The following TNXB variants were observed in gnomAD, a reference collection of about 807,000 sequenced individuals.
TNXB encodes the protein tenascin XB, also known as tenascin-X.
In TNXB, 183 loss-of-function variants were observed where a neutral mutation model predicts 340.5. The ratio of observed to expected loss-of-function variants is 0.54; its 90% CI spans 0.48 to 0.61. The LOEUF (loss-of-function observed/expected upper bound fraction) is 0.61, where lower values mean the gene tolerates loss of function less well. Ranked by LOEUF, TNXB falls within the 20% of genes least tolerant of loss-of-function variation. The probability of loss-of-function intolerance (pLI) is 0.00; values close to 1 mark genes in which losing one functional copy is unlikely to be tolerated. For missense variants in TNXB, 4,613 were observed against 5,446.4 expected (o/e 0.85, Z 4.82); for synonymous variants, 2,121 against 2,314.5 (o/e 0.92, Z 2.40).
At position 32,082,020 on chromosome 6, in the gene TNXB, G is replaced by A; in HGVS notation, c.3736+16C>T. On this transcript the variant is annotated intron_variant, in intron 9 of 43. Coordinates refer to ENST00000644971, the MANE Select transcript of TNXB (RefSeq NM_001365276.2). This position sits in a 1 kb window ranked among gnomAD's most constrained non-coding sequence, Gnocchi z 5.0. The stretch of plus-strand genomic sequence containing the variant: ...TGAGAAGGGGTCACATGGGGGCTGA[G>A]GTGGCTGCTACTCACCAGTGGTGCC... The A allele has an allele frequency of 6.3e-7, 1 of 1,593,546 alleles. No individual in the cohort carries two copies. Among genetic ancestry groups the A allele is most frequent in the Non-Finnish European group, 8.5e-7 (1 of 1,169,986 alleles).
Position 32,056,721 on chromosome 6 carries a change from T to G in TNXB, c.8008A>C (p.Lys2670Gln), listed in dbSNP as rs1423222730. ...TCGTGCCCCGGCACCCGCACCGCCTTGGGCTGCCCATCCCCATTCCTGTAC... is the reference window on the plus strand; with the variant it reads ...TCGTGCCCCGGCACCCGCACCGCCTGGGGCTGCCCATCCCCATTCCTGTAC... ...VQYRNGDGQPKAVRVPGHEDG... is the reference protein window; with the variant it reads ...VQYRNGDGQPQAVRVPGHEDG... The change falls in exon 23 of 44, where the codon AAG becomes CAG. Residue 2670 changes from lysine to glutamine, a missense_variant. This residue lies in a region of TNXB where 4,327 missense variants were observed against 4,859.4 expected (regional missense o/e 0.89). Coordinates refer to ENST00000644971, the MANE Select transcript of TNXB (RefSeq NM_001365276.2). The G allele has an allele frequency of 3.1e-6, 5 of 1,613,102 alleles. No homozygotes were observed. The African/African-American group carries it at 4.0e-5, about 13-fold the overall frequency.
chr6:32,062,435 G>A lies in TNXB; in HGVS notation c.6890C>T (p.Thr2297Ile). ...GCGAGGCTTGATGGGGGGTTCAGGG[G>A]TGGGAGGTTCTGTCGAGGCTGGGGC... ...EMAPASTEPP[T>I]PEPPIKPRLE... Residue 2297 changes from threonine to isoleucine, a missense_variant, in exon 20 of 44, where the codon ACC becomes ATC. Physicochemically the swap from Thr to Ile is moderately conservative, Grantham distance 89 (BLOSUM62 -1). Transcript: ENST00000644971. The surrounding 1 kb of genome is among the most constrained non-coding windows in gnomAD (Gnocchi z 4.3). 1 of 1,612,154 alleles carries A rather than the reference G, an allele frequency of 6.2e-7. No individual in the cohort carries two copies. The highest frequency in any genetic ancestry group is 8.5e-7 in the Non-Finnish European group (1 of 1,179,188).
Position 32,067,698 on chromosome 6 carries a change from C to T in TNXB, c.6507G>A (p.Gly2169=), listed in dbSNP as rs372295491. 1.4e-5 allele frequency: 23 copies of T among 1,613,666 alleles called. No individual in the cohort carries two copies. Among genetic ancestry groups the T allele is most frequent in the Non-Finnish European group, 1.8e-5 (21 of 1,179,822 alleles). ...YKMHLYGLHE[G]RRVGPVSAVG... is the part of the protein sequence containing the mutation. ...CAGCAGACACTGGGCCCACGCGCCG[C>T]CCCTCGTGGAGGCCGTACAGGTGCA... The change falls in exon 18 of 44, where the codon GGG becomes GGA. Residue 2169 remains glycine, a synonymous_variant. Transcript: ENST00000644971. The surrounding 1 kb of genome is among the most constrained non-coding windows in gnomAD (Gnocchi z 4.2).
chr6:32,095,958 T>G lies in TNXB; in HGVS notation c.1895A>C (p.Glu632Ala). The G allele has an allele frequency of 6.2e-7, 1 of 1,613,008 alleles. No individual in the cohort carries two copies. Among genetic ancestry groups the G allele is most frequent in the Non-Finnish European group, 8.5e-7 (1 of 1,179,732 alleles). Reference protein sequence around the residue: ...PSNCHGRGRCEEGRCLCDPGY... With the variant: ...PSNCHGRGRCAEGRCLCDPGY... Reference sequence around the variant, plus strand: ...TGGGTCGCACAGGCAGCGCCCTTCCTCACAGCGGCCCCTCCCGTGGCAGTT... The same window carrying G: ...TGGGTCGCACAGGCAGCGCCCTTCCGCACAGCGGCCCCTCCCGTGGCAGTT... Residue 632 changes from glutamate (E) to alanine (A), a missense_variant, in exon 3 of 44, where the codon GAG becomes GCG. Coordinates refer to ENST00000644971, the MANE Select transcript of TNXB (RefSeq NM_001365276.2).
Position 32,046,074 on chromosome 6 carries a change from A to G in TNXB, c.10606+101T>C. ...TCCTGGGGACAGGCCAGGGCGCCCCACTCCGGCCTGCCCACTCCTGCAGTC... is the reference window on the plus strand; with the variant it reads ...TCCTGGGGACAGGCCAGGGCGCCCCGCTCCGGCCTGCCCACTCCTGCAGTC... On this transcript the variant is annotated intron_variant, in intron 31 of 43. Transcript: ENST00000644971. The surrounding 1 kb of genome is among the most constrained non-coding windows in gnomAD (Gnocchi z 6.9). 1 of 1,495,742 alleles carries G rather than the reference A, an allele frequency of 6.7e-7. No individual in the cohort carries two copies. The highest frequency in any genetic ancestry group is 1.4e-5 in the South Asian group (1 of 73,654). 92.7% of individuals were successfully genotyped at this position (1,495,742 alleles called of 1,614,324 possible).
chr6:32,066,937 G>A (rs1778371523), intron 18 of TNXB, among the ~76,000 whole-genome samples: 1 of 152,064 alleles, frequency 6.6e-6, no homozygotes, highest in African/African-American at 2.4e-5. Flanking sequence ...TGGGCATGGT[G>A]GAGTGCACTT....
Position 32,097,196 on chromosome 6 carries a change from G to A in TNXB, c.657C>T (p.Pro219=), listed in dbSNP as rs375940110. The A allele has an allele frequency of 2.7e-4, 432 of 1,595,688 alleles. No homozygotes were observed. The African/African-American group carries it at 4.8e-3, about 18-fold the overall frequency. The change falls in exon 3 of 44, where the codon CCC becomes CCT. Residue 219 remains proline (P), a synonymous_variant. Transcript: ENST00000644971. The surrounding 1 kb of genome is among the most constrained non-coding windows in gnomAD (Gnocchi z 5.9). ...TGPSCGWPSC[P]GDCQGRGRCV... The stretch of plus-strand genomic sequence containing the variant: ...AGCGCCCACGGCCTTGGCAGTCCCC[G>A]GGACAGGATGGCCAGCCACAGCTGG...
chr6:32,096,165 C>T lies in TNXB; in HGVS notation c.1688G>A (p.Cys563Tyr), dbSNP rs1406410429. The T allele has an allele frequency of 6.3e-7, 1 of 1,579,162 alleles. No homozygotes were observed. The highest frequency in any genetic ancestry group is 1.2e-5 in the South Asian group (1 of 86,784). Reference sequence around the variant, plus strand: ...ATCTAGGCACTGGCCGCGGCCTCGGCAGCCCCCGGGGCAGCTGCGCGTGCT... The same window carrying T: ...ATCTAGGCACTGGCCGCGGCCTCGGTAGCCCCCGGGGCAGCTGCGCGTGCT... ...DCSTRSCPGGCRGRGQCLDGR... is the reference protein window; with the variant it reads ...DCSTRSCPGGYRGRGQCLDGR... The change falls in exon 3 of 44, where the codon TGC becomes TAC. Residue 563 changes from cysteine (C) to tyrosine (Y), a missense_variant. Around this residue, in one of 7 missense-constraint regions of TNXB, gnomAD observed 4,327 missense variants for 4,859.4 expected, o/e 0.89. Transcript: ENST00000644971.
In TNXB at chr6:32,049,452, C is replaced by G; in HGVS notation, c.9575G>C (p.Arg3192Pro). The G allele has an allele frequency of 1.2e-6, 2 of 1,612,662 alleles. No individual in the cohort carries two copies. The highest frequency in any genetic ancestry group is 1.7e-6 in the Non-Finnish European group (2 of 1,179,860). Residue 3192 changes from arginine to proline, a missense_variant, in exon 28 of 44, where the codon CGC (arginine) becomes CCC (proline). By Grantham distance (103) the Arg-to-Pro change is moderately radical. Around this residue, in one of 7 missense-constraint regions of TNXB, gnomAD observed 4,327 missense variants for 4,859.4 expected, o/e 0.89. Transcript: ENST00000644971. The surrounding 1 kb of genome is among the most constrained non-coding windows in gnomAD (Gnocchi z 4.5). Reference protein sequence around the residue: ...LSLSWTVPQGRFDSFTVQYKD... With the variant: ...LSLSWTVPQGPFDSFTVQYKD... ...GTACTGCACGGTGAAGGAGTCGAAG[C>G]GGCCCTGGGGGACGGTCCAGGAGAG...
intron 21 of TNXB, among the ~76,000 whole-genome samples, chr6:32,059,536 G>T (rs1777887788): frequency 6.6e-6 from 1 of 151,794 alleles, no homozygotes; most frequent in Non-Finnish European, 1.5e-5. Context: ...GCAGGGGTGG[G>T]TCCCTCAGCC....
At position 32,098,032 on chromosome 6, in the gene TNXB, G is replaced by C. The variant is rs751628394; in HGVS notation, c.167C>G (p.Ser56Cys). The change falls in exon 2 of 44, where the codon TCT (serine) becomes TGT (cysteine). Residue 56 changes from serine (S) to cysteine (C), a missense_variant. By Grantham distance (112) the Ser-to-Cys change is moderately radical (BLOSUM62 -1). Transcript: ENST00000644971. ...HTVGAGVGSP[S>C]SQLYEHTVEG... is the part of the protein sequence containing the mutation. ...CACTGTGTGCTCGTAAAGCTGAGAA[G>C]AGGGGCTTCCCACTCCAGCCCCCAC... 1.9e-6 allele frequency: 3 copies of C among 1,607,352 alleles called. No individual in the cohort carries two copies. Among genetic ancestry groups the C allele is most frequent in the Non-Finnish European group, 2.5e-6 (3 of 1,178,100 alleles).
chr6:32,047,917 C>T lies in TNXB; in HGVS notation c.10141G>A (p.Glu3381Lys), dbSNP rs779104940. Residue 3381 changes from glutamate (E) to lysine (K), a missense_variant, in exon 30 of 44, where the codon GAA (glutamate) becomes AAA (lysine). By Grantham distance (56) the Glu-to-Lys change is moderately conservative. Around this residue, in one of 7 missense-constraint regions of TNXB, gnomAD observed 4,327 missense variants for 4,859.4 expected, o/e 0.89. Coordinates refer to ENST00000644971, the MANE Select transcript of TNXB (RefSeq NM_001365276.2). The surrounding 1 kb of genome is among the most constrained non-coding windows in gnomAD (Gnocchi z 6.2). Reference sequence around the variant, plus strand: ...TACTGGACCACGAAGGAGTCGAATTCGCCCTCAGGGACCGTCCACGAGAGG... The same window carrying T: ...TACTGGACCACGAAGGAGTCGAATTTGCCCTCAGGGACCGTCCACGAGAGG... ...VGLSWTVPEG[E>K]FDSFVVQYKD... 5.0e-6 allele frequency: 8 copies of T among 1,612,696 alleles called. No individual in the cohort carries two copies. In the East Asian group the frequency reaches 1.1e-4, roughly 22 times the overall value.
chr6:32,099,297 G>C (rs866266669), intron 1 of TNXB, among the ~76,000 whole-genome samples: 2 of 150,164 alleles, frequency 1.3e-5, no homozygotes, highest in Non-Finnish European at 2.9e-5. Context: ...GCAGTGGTGC[G>C]ATCTCGGCTC....
intron 6 of TNXB, among the ~76,000 whole-genome samples, chr6:32,088,100 C>T (rs997343587): frequency 6.6e-6 from 1 of 152,186 alleles, no homozygotes; most frequent in Non-Finnish European, 1.5e-5. Context: ...GAGGCCTCTT[C>T]CCTGTGCCCC....
rs1212558739 is a variant in TNXB, at chr6:32,081,500, C to T, written c.3910G>A (p.Ala1304Thr). The stretch of plus-strand genomic sequence containing the variant: ...TTCTCATCCCCCGCAACAGGCACTG[C>T]CTGGGGCTGCCCCTGTGCATCCTTG... The part of the protein sequence containing the change: ...QYKDAQGQPQ[A>T]VPVAGDENEV... The change falls in exon 10 of 44, where the codon GCA (alanine) becomes ACA (threonine). Residue 1304 changes from alanine (A) to threonine (T), a missense_variant. Transcript: ENST00000644971. This position sits in a 1 kb window ranked among gnomAD's most constrained non-coding sequence, Gnocchi z 5.1. 6.2e-7 allele frequency: 1 copy of T among 1,606,760 alleles called. No homozygotes were observed.
Position 32,079,952 on chromosome 6 carries a change from C to T in TNXB, c.4043-587G>A, listed in dbSNP as rs1382066240. On this transcript the variant is annotated intron_variant, in intron 10 of 43. Transcript: ENST00000644971. This position sits in a 1 kb window ranked among gnomAD's most constrained non-coding sequence, Gnocchi z 7.1. ...ACCTACCCGCCCCCTACAGTTAGGT[C>T]TCTGCTGAGGCTCCATGGAGTGGGG... Among the ~76,000 whole-genome samples, 3 of 152,228 alleles carry T rather than the reference C, an allele frequency of 2.0e-5. No individual in the cohort carries two copies. The highest frequency in any genetic ancestry group is 2.9e-5 in the Non-Finnish European group (2 of 68,046).
At position 32,068,024 on chromosome 6, in the gene TNXB, G is replaced by A; in HGVS notation, c.6221-40C>T. 6.3e-7 allele frequency: 1 copy of A among 1,593,870 alleles called. No homozygotes were observed. Among genetic ancestry groups the A allele is most frequent in the South Asian group, 1.1e-5 (1 of 89,106 alleles). On this transcript the variant is annotated intron_variant, in intron 17 of 43. Transcript: ENST00000644971. This position sits in a 1 kb window ranked among gnomAD's most constrained non-coding sequence, Gnocchi z 5.3. ...GAGAGAGTGAGGGGGATGTCCTTGGGTACTGGGGAAAAGGAGGGAGAAGCC... is the reference window on the plus strand; with the variant it reads ...GAGAGAGTGAGGGGGATGTCCTTGGATACTGGGGAAAAGGAGGGAGAAGCC...
chr6:32,071,877 G>T, intron 13 of TNXB, 113 bp downstream of exon 13: 1 of 961,720 alleles, frequency 1.0e-6, no homozygotes, highest in Non-Finnish European at 1.5e-6. Context: ...AGCCCCATGT[G>T]GCTTTTCAAA....
chr6:32,069,989 G>C lies in TNXB; in HGVS notation c.5279-128C>G, dbSNP rs1778662128. The C allele has an allele frequency of 7.3e-7, 1 of 1,369,628 alleles. No individual in the cohort carries two copies. The highest frequency in any genetic ancestry group is 9.7e-7 in the Non-Finnish European group (1 of 1,032,038). 84.8% of individuals were successfully genotyped at this position (1,369,628 alleles called of 1,614,324 possible). A position where few individuals can be genotyped will look rare whatever the true frequency, so the allele number is the denominator to read the frequency against. On this transcript the variant is annotated intron_variant, in intron 14 of 43. Coordinates refer to ENST00000644971, the MANE Select transcript of TNXB (RefSeq NM_001365276.2). This position sits in a 1 kb window ranked among gnomAD's most constrained non-coding sequence, Gnocchi z 6.2. ...TGAGTCCTGCCGGGCTGTGCTAGGG[G>C]CTTGTGCAGGGACGTGGGGAGCTGG...
Sources: gnomAD v4.1 joint callset for allele counts (sites outside exome capture counted in the v4.1 genomes callset) on GRCh38, gnomAD v4.1.1 for gene constraint, gnomAD v4.1.1 regional missense constraint, Gnocchi (gnomAD v3.1) non-coding constraint, MANE v1.5 for transcripts, NCBI Gene and HGNC (gene_info 2026-07-23, HGNC 2026-07-21) for gene names.